APLP2: variants seen among roughly 807,000 people sequenced by gnomAD.
The protein encoded by APLP2 is amyloid beta precursor like protein 2.
APLP2 carries 53 observed loss-of-function variants against 89.9 expected under a neutral mutation model. That is an observed-to-expected ratio of 0.59 (90% confidence interval 0.47 to 0.74). APLP2 has a LOEUF of 0.74. Among genes scored for constraint, APLP2 ranks in the 30% least tolerant of loss-of-function variants. The pLI, the probability that APLP2 is intolerant of heterozygous loss-of-function variation, is 0.00. For missense variants in APLP2, 973 were observed against 975.9 expected, an observed-to-expected ratio of 1.00 and a Z score of 0.04; for synonymous variants, 372 against 348.6, an observed-to-expected ratio of 1.07 and a Z score of -0.75.
chr11:130,117,515 C>T (rs1033223064), intron 3 of APLP2, among the ~76,000 whole-genome samples: 16 of 152,056 alleles, frequency 1.1e-4, no homozygotes, highest in Admixed American at 3.3e-4. Flanking sequence ...CGGCTCACTG[C>T]AACCTCAGCC....
intron 3 of APLP2, among the ~76,000 whole-genome samples, chr11:130,117,740 T>A (rs1325821555): frequency 2.0e-5 from 3 of 152,204 alleles, no homozygotes; most frequent in Non-Finnish European, 4.4e-5. Context: ...TTTACATCAT[T>A]TTTTAGTTTA....
chr11:130,141,725 A>G lies in APLP2; in HGVS notation c.1998+153A>G. 1 of 923,260 alleles carries G rather than the reference A, an allele frequency of 1.1e-6. No homozygotes were observed. Among genetic ancestry groups the G allele is most frequent in the Non-Finnish European group, 1.6e-6 (1 of 620,030 alleles). 57.2% of individuals were successfully genotyped at this position (923,260 alleles called of 1,614,324 possible). On this transcript the variant is annotated intron_variant, in intron 15 of 16. Coordinates refer to ENST00000338167, the MANE Select transcript of APLP2 (RefSeq NM_001142276.2). This position sits in a 1 kb window ranked among gnomAD's most constrained non-coding sequence, Gnocchi z 4.2. ...CCGTACTTTTGGATAAGAAAGCTAA[A>G]ATTAAAATCTCCATGGAGATTGGGA...
intron 3 of APLP2, among the ~76,000 whole-genome samples, chr11:130,111,412 T>C (rs1490637741): frequency 1.3e-5 from 2 of 152,196 alleles, no homozygotes; most frequent in Admixed American, 1.3e-4. Flanking sequence ...AGATTAGCCC[T>C]GATGGGATTA....
intron 1 of APLP2, among the ~76,000 whole-genome samples, chr11:130,099,453 G>A (rs1302579570): frequency 6.6e-6 from 1 of 152,172 alleles, no homozygotes; most frequent in Non-Finnish European, 1.5e-5. Context: ...TGTCCATCAG[G>A]AAAACCAGTT....
chr11:130,070,170 G>T (rs1940606364), intron 1 of APLP2, 88 bp downstream of exon 1: 1 of 888,448 alleles, frequency 1.1e-6, no homozygotes, highest in Non-Finnish European at 1.5e-6. Context: ...CCGCGGCAGG[G>T]CGGGCCGGCG....
chr11:130,091,267 G>T (rs768474299), intron 1 of APLP2, among the ~76,000 whole-genome samples: 14,648 of 113,394 alleles, frequency 0.13, 4 homozygotes, highest in South Asian at 0.17. Context: ...CCGGGCGGGG[G>T]GCTGACCCCC....
intron 1 of APLP2, among the ~76,000 whole-genome samples, chr11:130,072,038 T>C (rs1255273600): frequency 1.3e-5 from 2 of 152,240 alleles, no homozygotes; most frequent in Non-Finnish European, 2.9e-5. Flanking sequence ...AAATCCCTGA[T>C]CAAGTTGCTT....
chr11:130,100,407 G>A (rs575154050), intron 1 of APLP2: 2 of 152,064 alleles, frequency 1.3e-5, no homozygotes, highest in South Asian at 2.1e-4. Flanking sequence ...TGAAGAACCT[G>A]TTCATTTGAG....
intron 6 of APLP2, 122 bp downstream of exon 6, chr11:130,122,635 A>AG: frequency 6.7e-7 from 1 of 1,491,000 alleles, no homozygotes; most frequent in Non-Finnish European, 9.0e-7. Context: ...TCTGCACTGA[A>AG]GGTGAGTTCA....
In APLP2 at chr11:130,143,736, A is replaced by G. The variant is rs1952686058; in HGVS notation, c.*288A>G. 5 of 329,164 alleles carry G rather than the reference A, an allele frequency of 1.5e-5. No individual in the cohort carries two copies. 20.4% of individuals were successfully genotyped at this position (329,164 alleles called of 1,614,324 possible). A position where few individuals can be genotyped will look rare whatever the true frequency, so the allele number is the denominator to read the frequency against. On this transcript the variant is annotated 3_prime_UTR_variant, in exon 17 of 17. Coordinates refer to ENST00000338167, the MANE Select transcript of APLP2 (RefSeq NM_001142276.2). Reference sequence around the variant, plus strand: ...CTTTTTTAAATTAATCAGAAACCCCACTTCCATTGTATTGTCTGACACATG... The same window carrying G: ...CTTTTTTAAATTAATCAGAAACCCCGCTTCCATTGTATTGTCTGACACATG...
At chr11:130,131,395 A>T (rs182251000) in intron 11 of APLP2, among the ~76,000 whole-genome samples, 3 of 152,274 alleles carry the variant, frequency 2.0e-5, no homozygotes, top group Admixed American at 2.0e-4. Context: ...CACCACTCCC[A>T]GCCTAGAGCA....
intron 1 of APLP2, among the ~76,000 whole-genome samples, chr11:130,106,694 C>CTT (rs5795686): frequency 8.1e-5 from 12 of 147,796 alleles, no homozygotes; most frequent in East Asian, 3.9e-4. Flanking sequence ...GGTCAGATTC[C>CTT]TTTTTTTTTT....
At position 130,074,979 on chromosome 11, in the gene APLP2, C is replaced by T. The variant is rs564283724; in HGVS notation, c.105+4897C>T. ...TTTTTAATGAGATAAACTAGATTAC[C>T]TTGAAGTTTAATTAAATTTAGTGTA... On this transcript the variant is annotated intron_variant, in intron 1 of 16. Coordinates refer to ENST00000338167, the MANE Select transcript of APLP2 (RefSeq NM_001142276.2). Among the ~76,000 whole-genome samples, 15 of 152,094 alleles carry T rather than the reference C, an allele frequency of 9.9e-5. No homozygotes were observed. In the South Asian group the frequency reaches 2.9e-3, roughly 29 times the overall value.
At chr11:130,126,861 G>T (rs1950426604) in intron 8 of APLP2, 31 bp downstream of exon 8, 1 of 1,612,810 alleles carries the variant, frequency 6.2e-7, no homozygotes, top group Admixed American at 1.7e-5. Context: ...CATCTTCATG[G>T]TACTTGGCTT....
At chr11:130,127,563 C>A (rs1467068416) in intron 8 of APLP2, among the ~76,000 whole-genome samples, 1 of 152,132 alleles carries the variant, frequency 6.6e-6, no homozygotes, top group African/African-American at 2.4e-5. Context: ...ACAAAGAGGT[C>A]ATGGAATTGA....
In APLP2 at chr11:130,141,347, GA is replaced by G; in HGVS notation, c.1924-149del. 1 of 640,170 alleles carries G rather than the reference GA, an allele frequency of 1.6e-6. No individual in the cohort carries two copies. The highest frequency in any genetic ancestry group is 2.8e-6 in the Non-Finnish European group (1 of 356,308). 39.7% of individuals were successfully genotyped at this position (640,170 alleles called of 1,614,324 possible). On this transcript the variant is annotated intron_variant, in intron 14 of 16. Coordinates refer to ENST00000338167, the MANE Select transcript of APLP2 (RefSeq NM_001142276.2). This position sits in a 1 kb window ranked among gnomAD's most constrained non-coding sequence, Gnocchi z 4.2. ...ATTAGGGGTTTGGGGAGTGGATTTGGAAGGCTGTGACAGAACTGGTTGGTTA... is the reference window on the plus strand; with the variant it reads ...ATTAGGGGTTTGGGGAGTGGATTTGGAGGCTGTGACAGAACTGGTTGGTTA...
intron 6 of APLP2, among the ~76,000 whole-genome samples, chr11:130,122,860 T>C (rs1949982836): frequency 6.6e-6 from 1 of 152,214 alleles, no homozygotes; most frequent in South Asian, 2.1e-4. Context: ...TCTGGCCTCC[T>C]AGAATAGAAA....
intron 1 of APLP2, among the ~76,000 whole-genome samples, chr11:130,087,076 C>A (rs1050706443): frequency 2.0e-5 from 3 of 152,068 alleles, no homozygotes; most frequent in Non-Finnish European, 4.4e-5. Flanking sequence ...GTCTTCTAAC[C>A]CTCAAATGCC....
At position 130,130,178 on chromosome 11, in the gene APLP2, G is replaced by T; in HGVS notation, c.1584+12G>T. ...AGATGAAATCCCAGGTACAGTAGATGTAGTAGAAATTGCTGCCGTGAGGGC... is the reference window on the plus strand; with the variant it reads ...AGATGAAATCCCAGGTACAGTAGATTTAGTAGAAATTGCTGCCGTGAGGGC... On this transcript the variant is annotated intron_variant, in intron 11 of 16. Transcript: ENST00000338167. 3 of 1,614,236 alleles carry T rather than the reference G, an allele frequency of 1.9e-6. No individual in the cohort carries two copies. The highest frequency in any genetic ancestry group is 2.5e-6 in the Non-Finnish European group (3 of 1,180,022).
Sources: allele counts gnomAD v4.1 joint callset (sites outside exome capture counted in the v4.1 genomes callset), GRCh38; gene constraint gnomAD v4.1.1; non-coding constraint Gnocchi (gnomAD v3.1); transcripts MANE v1.5; gene names NCBI Gene and HGNC (gene_info 2026-07-23, HGNC 2026-07-21).